Variants in CACNA1C observed in about 807,000 individuals in gnomAD.
CACNA1C encodes the protein calcium voltage-gated channel subunit alpha1 C.
Under a neutral mutation model 229.0 loss-of-function variants are expected in CACNA1C, and 30 were observed. The ratio of observed to expected loss-of-function variants is 0.13; its 90% confidence interval spans 0.10 to 0.18. The LOEUF is 0.18. Ranked by LOEUF, CACNA1C falls within the 10% of genes least tolerant of loss-of-function variation. CACNA1C has a pLI of 1.00. For missense variants in CACNA1C, 1,658 were observed against 2,845.0 expected (o/e 0.58, Z 9.49); for synonymous variants, 1,114 against 1,132.5 (o/e 0.98, Z 0.33).
intron 3 of CACNA1C, among the ~76,000 whole-genome samples, chr12:2,362,602 T>C (rs114595110): frequency 0.017 from 2,548 of 152,274 alleles, 93 homozygotes; most frequent in African/African-American, 0.058. Flanking sequence ...ATAATCCTCC[T>C]GAAAGCAGAG....
At chr12:2,084,111 G>A (rs1476977070) in intron 1 of CACNA1C, among the ~76,000 whole-genome samples, 1 of 152,098 alleles carries the variant, frequency 6.6e-6, no homozygotes, top group African/African-American at 2.4e-5. Context: ...GTTGATTTTT[G>A]AAAAACTTTT....
intron 1 of CACNA1C, among the ~76,000 whole-genome samples, chr12:2,014,274 C>CT (rs34029133): frequency 2.9e-4 from 44 of 149,666 alleles, no homozygotes; most frequent in Middle Eastern, 3.5e-3. Flanking sequence ...AAATAGGCAT[C>CT]TTTTTTTTTT....
At chr12:2,123,195 T>G (rs1208234034) in intron 3 of CACNA1C, among the ~76,000 whole-genome samples, 3 of 151,874 alleles carry the variant, frequency 2.0e-5, no homozygotes, top group Non-Finnish European at 4.4e-5. Flanking sequence ...GCTAACACGG[T>G]AAAACCCCAT....
rs181061464 is a variant in CACNA1C, at chr12:2,027,641, G to A, written c.139+56440G>A. Among the ~76,000 whole-genome samples the A allele has an allele frequency of 8.1e-4, 123 of 152,236 alleles. No individual in the cohort carries two copies. In the East Asian group the frequency reaches 0.02, roughly 24 times the overall value. The stretch of plus-strand genomic sequence containing the variant: ...GAGAATGGAATTGACTTGAGCGTGG[G>A]CATTTAAAGCGGAAAGTCCCTTCCC... On this transcript the variant is annotated intron_variant, in intron 1 of 46. Coordinates refer to the CACNA1C transcript ENST00000682462.
chr12:2,505,061 C>T (rs1223302493), intron 8 of CACNA1C, 116 bp downstream of exon 8: 5 of 657,164 alleles, frequency 7.6e-6, no homozygotes, highest in Non-Finnish European at 1.4e-5. Context: ...AAGGGGTCAC[C>T]ACAGGAGCCT....
At position 2,689,556 on chromosome 12, in the gene CACNA1C, A is replaced by C. The variant is rs1416540051; in HGVS notation, c.6117+777A>C. Reference sequence around the variant, plus strand: ...CCCAAATGAGCTCTTCCAAGATGAGAGGGGCTTGCCTGAAAGGTAGTGAGC... The same window carrying C: ...CCCAAATGAGCTCTTCCAAGATGAGCGGGGCTTGCCTGAAAGGTAGTGAGC... On this transcript the variant is annotated intron_variant, in intron 46 of 46. Coordinates refer to ENST00000399655, the MANE Select transcript of CACNA1C (RefSeq NM_000719.7). The surrounding 1 kb of genome is among the most constrained non-coding windows in gnomAD (Gnocchi z 4.2). 2.6e-5 allele frequency among the ~76,000 whole-genome samples: 4 copies of C among 151,984 alleles called. No homozygotes were observed. In the East Asian group the frequency reaches 7.8e-4, roughly 30 times the overall value.
In CACNA1C at chr12:2,604,041, C is replaced by T. The variant is rs911116939; in HGVS notation, c.2961-1040C>T. 2.0e-5 allele frequency among the ~76,000 whole-genome samples: 3 copies of T among 151,760 alleles called. No homozygotes were observed. In the South Asian group the frequency reaches 6.3e-4, roughly 32 times the overall value. On this transcript the variant is annotated intron_variant, in intron 22 of 46. Transcript: ENST00000399655. The stretch of plus-strand genomic sequence containing the variant: ...AGCTTTCCCTCCTTCTGGGTCGGGG[C>T]AGGATCCCGTCTGCAACAGGAGTCT...
At chr12:2,031,973 G>A (rs180786410) in intron 1 of CACNA1C, among the ~76,000 whole-genome samples, 1 of 135,612 alleles carries the variant, frequency 7.4e-6, no homozygotes, top group Non-Finnish European at 1.5e-5. Context: ...CTTTCTGTGT[G>A]AGTGTGTGTG....
At chr12:2,356,015 G>A (rs1476663889) in intron 3 of CACNA1C, among the ~76,000 whole-genome samples, 19 of 152,182 alleles carry the variant, frequency 1.2e-4, no homozygotes, top group African/African-American at 3.6e-4. Context: ...GTGAGACATT[G>A]CATTTAGTTG....
intron 3 of CACNA1C, among the ~76,000 whole-genome samples, chr12:2,282,529 T>G (rs1041441950): frequency 6.6e-6 from 1 of 152,198 alleles, no homozygotes; most frequent in East Asian, 1.9e-4. Flanking sequence ...CCTGGAAAGC[T>G]TTGTCTGAGA....
chr12:2,167,112 T>C (rs1286702174), intron 3 of CACNA1C, among the ~76,000 whole-genome samples: 1 of 152,202 alleles, frequency 6.6e-6, no homozygotes, highest in Non-Finnish European at 1.5e-5. Flanking sequence ...ATTGATGTTA[T>C]AGATAAAAAT....
chr12:2,584,107 C>G (rs527951538), intron 15 of CACNA1C, among the ~76,000 whole-genome samples: 1 of 152,220 alleles, frequency 6.6e-6, no homozygotes, highest in East Asian at 1.9e-4. Context: ...ACCCCCTCAG[C>G]GCCCAGTTAT....
In CACNA1C at chr12:2,649,248, C is replaced by T. The variant is rs200365604; in HGVS notation, c.3945+741C>T. 9.2e-5 allele frequency among the ~76,000 whole-genome samples: 14 copies of T among 152,326 alleles called. No individual in the cohort carries two copies. In the East Asian group the frequency reaches 2.3e-3, roughly 25 times the overall value. ...ATAAAAGAGACGCCATTCAGTGTGA[C>T]CTTGAAGCCTCCTTGGCCCAGCCGC... On this transcript the variant is annotated intron_variant, in intron 31 of 46. Transcript: ENST00000399655. The surrounding 1 kb of genome is among the most constrained non-coding windows in gnomAD (Gnocchi z 4.4).
chr12:2,240,047 A>G lies in CACNA1C; in HGVS notation c.477+119617A>G, dbSNP rs530771963. Among the ~76,000 whole-genome samples the G allele has an allele frequency of 1.2e-3, 179 of 152,390 alleles. 1 individual carries two copies. The highest frequency in any genetic ancestry group is 2.1e-3 in the Non-Finnish European group (143 of 68,036). On this transcript the variant is annotated intron_variant, in intron 3 of 46. Transcript: ENST00000399655. ...CTTTATTACTCATAGAAATTGTATCAATCAACAGTGATCGCTAAATTGCTG... is the reference window on the plus strand; with the variant it reads ...CTTTATTACTCATAGAAATTGTATCGATCAACAGTGATCGCTAAATTGCTG...
At chr12:2,660,922 G>C (rs1353770085) in intron 34 of CACNA1C, 2 of 151,982 alleles carry the variant, frequency 1.3e-5, no homozygotes, top group African/African-American at 4.8e-5. Flanking sequence ...AGATTTCCAA[G>C]ACATGGAGGC....
intron 3 of CACNA1C, among the ~76,000 whole-genome samples, chr12:2,399,852 C>A (rs769782525): frequency 6.6e-6 from 1 of 152,194 alleles, no homozygotes; most frequent in African/African-American, 2.4e-5. Context: ...CTCACAATGA[C>A]CTCAGATCAT....
intron 1 of CACNA1C, among the ~76,000 whole-genome samples, chr12:2,097,579 C>T (rs2074745147): frequency 6.6e-6 from 1 of 152,122 alleles, no homozygotes. Context: ...CTGATTTTTT[C>T]GATAATAGCC....
intron 3 of CACNA1C, among the ~76,000 whole-genome samples, chr12:2,426,172 G>T (rs1595933077): frequency 6.6e-6 from 1 of 152,150 alleles, no homozygotes; most frequent in Non-Finnish European, 1.5e-5. Flanking sequence ...CAATCAATGA[G>T]CAGTACATAC....
intron 3 of CACNA1C, among the ~76,000 whole-genome samples, chr12:2,200,904 G>A (rs2097563644): frequency 6.6e-6 from 1 of 152,174 alleles, no homozygotes; most frequent in South Asian, 2.1e-4. Context: ...GTTTAGGTTG[G>A]TTTCAAAGAG....
Sources: gnomAD v4.1 joint callset for allele counts (sites outside exome capture counted in the v4.1 genomes callset) on GRCh38, gnomAD v4.1.1 for gene constraint, Gnocchi (gnomAD v3.1) non-coding constraint, MANE v1.5 for transcripts, NCBI Gene and HGNC (gene_info 2026-07-23, HGNC 2026-07-21) for gene names.